Variants in WWOX observed in about 807,000 individuals in gnomAD.
WWOX encodes WW domain containing oxidoreductase, also known as WW domain-containing oxidoreductase.
WWOX carries 69 observed loss-of-function variants against 46.2 expected under a neutral mutation model. The observed-to-expected ratio is 1.49, with a 90% CI of 1.23 to 1.82. The LOEUF is 1.82. Ranked by LOEUF, WWOX falls within the 40% of genes most tolerant of loss-of-function variation. WWOX has a pLI of 0.00. For missense variants in WWOX, 919 were observed against 542.6 expected (o/e 1.69, Z -6.89); for synonymous variants, 359 against 202.6 (o/e 1.77, Z -6.56).
intron 8 of WWOX, among the ~76,000 whole-genome samples, chr16:78,709,789 T>G (rs2142319325): frequency 6.6e-6 from 1 of 151,136 alleles, no homozygotes; most frequent in South Asian, 2.1e-4. Context: ...AGTGCAGTGG[T>G]GTGATCTCAG....
At chr16:78,341,207 T>G (rs977103748) in intron 5 of WWOX, among the ~76,000 whole-genome samples, 1 of 111,738 alleles carries the variant, frequency 8.9e-6, no homozygotes, top group Admixed American at 8.7e-5. Flanking sequence ...TCATTTTGTT[T>G]CCCAGGCTGG....
chr16:78,550,904 G>C (rs2044157727), intron 8 of WWOX: 1 of 152,100 alleles, frequency 6.6e-6, no homozygotes, highest in African/African-American at 2.4e-5. Flanking sequence ...CTTATCACTT[G>C]GCTGGGGACT....
chr16:78,204,801 G>A (rs2036341362), intron 5 of WWOX, among the ~76,000 whole-genome samples: 2 of 152,188 alleles, frequency 1.3e-5, no homozygotes, highest in Non-Finnish European at 2.9e-5. Context: ...GCCTCATATT[G>A]CATAGCAAGT....
At chr16:78,353,251 A>T (rs2081218942) in intron 5 of WWOX, among the ~76,000 whole-genome samples, 1 of 152,256 alleles carries the variant, frequency 6.6e-6, no homozygotes, top group South Asian at 2.1e-4. Flanking sequence ...CGTGTATAAT[A>T]CCTCAAGAGA....
At chr16:78,800,367 G>A (rs183241037) in intron 8 of WWOX, among the ~76,000 whole-genome samples, 2 of 151,992 alleles carry the variant, frequency 1.3e-5, no homozygotes, top group African/African-American at 2.4e-5. Context: ...TTAAAATTCC[G>A]CTTGGAATAG....
chr16:78,881,347 T>A (rs1034397989), intron 8 of WWOX, among the ~76,000 whole-genome samples: 2 of 152,278 alleles, frequency 1.3e-5, no homozygotes, highest in Admixed American at 6.5e-5. Flanking sequence ...CCAGGCAAAA[T>A]CTGAAAAATG....
chr16:78,542,982 C>T (rs1002594010), intron 8 of WWOX, among the ~76,000 whole-genome samples: 6 of 152,146 alleles, frequency 3.9e-5, no homozygotes, highest in African/African-American at 1.4e-4. Context: ...AACAATTTTT[C>T]CTTTCATGGT....
At chr16:78,132,883 C>G (rs1439295456) in intron 4 of WWOX, among the ~76,000 whole-genome samples, 6 of 152,114 alleles carry the variant, frequency 3.9e-5, no homozygotes, top group Admixed American at 3.9e-4. Flanking sequence ...ATTCCATTTC[C>G]CAGCTTCTCA....
intron 8 of WWOX, among the ~76,000 whole-genome samples, chr16:78,930,796 C>A (rs1486818654): frequency 6.6e-6 from 1 of 152,106 alleles, no homozygotes; most frequent in Non-Finnish European, 1.5e-5. Context: ...TTCCATCACA[C>A]ATATTTGCTG....
In WWOX at chr16:78,871,150, A is replaced by C. The variant is rs540499291; in HGVS notation, c.1057-340458A>C. On this transcript the variant is annotated intron_variant, in intron 8 of 8. Coordinates refer to ENST00000566780, the MANE Select transcript of WWOX (RefSeq NM_016373.4). ...AATGGCATTCTACATTGAATATAGT[A>C]ATTCCCAACTTTCGTGAAGGTTGTT... 1.9e-4 allele frequency among the ~76,000 whole-genome samples: 29 copies of C among 151,972 alleles called. 1 individual carries two copies. Among genetic ancestry groups the C allele is most frequent in the Admixed American group, 1.9e-3 (29 of 15,276 alleles).
At chr16:78,299,076 G>A (rs952096151) in intron 5 of WWOX, among the ~76,000 whole-genome samples, 1 of 152,134 alleles carries the variant, frequency 6.6e-6, no homozygotes, top group Non-Finnish European at 1.5e-5. Flanking sequence ...AATATTCTGA[G>A]GCTAGGTTAA....
intron 5 of WWOX, among the ~76,000 whole-genome samples, chr16:78,382,324 G>A (rs944805169): frequency 9.2e-5 from 14 of 152,208 alleles, no homozygotes; most frequent in East Asian, 7.7e-4. Context: ...GAGATGCCAC[G>A]TGTAACTCAC....
At chr16:78,471,195 A>G (rs1294532689) in intron 8 of WWOX, among the ~76,000 whole-genome samples, 1 of 152,198 alleles carries the variant, frequency 6.6e-6, no homozygotes, top group African/African-American at 2.4e-5. Context: ...GTTGGCAACT[A>G]CAAGACAATC....
chr16:78,109,601 A>G (rs910841079), intron 2 of WWOX, among the ~76,000 whole-genome samples, 177 bp from the exon 3 acceptor site: 1 of 145,740 alleles, frequency 6.9e-6, no homozygotes, highest in African/African-American at 2.5e-5. Context: ...GGGTGGGATC[A>G]GGGGCCTTCT....
At chr16:78,709,897 A>C (rs188388988) in intron 8 of WWOX, among the ~76,000 whole-genome samples, 12 of 151,888 alleles carry the variant, frequency 7.9e-5, no homozygotes, top group Admixed American at 2.6e-4. Context: ...CGCCCAGCTA[A>C]TTTTTGTATT....
chr16:79,047,943 C>A (rs114069698), intron 8 of WWOX, among the ~76,000 whole-genome samples: 9 of 152,188 alleles, frequency 5.9e-5, no homozygotes, highest in South Asian at 2.1e-4. Context: ...AGCACAAAAT[C>A]TCCTGTCTGC....
intron 6 of WWOX, among the ~76,000 whole-genome samples, chr16:78,422,682 T>TATATATATATATATATATATATATAC (rs2082963498): frequency 1.3e-5 from 1 of 74,442 alleles, no homozygotes. Flanking sequence ...TATATATATA[T>TATATATATATATATATATATATATAC]ATACACACAC....
At chr16:78,413,424 C>T (rs191556634) in intron 6 of WWOX, among the ~76,000 whole-genome samples, 10 of 152,170 alleles carry the variant, frequency 6.6e-5, no homozygotes, top group East Asian at 5.8e-4. Flanking sequence ...TTGGCATAGG[C>T]GGTAGAGTTA....
At chr16:79,183,766 A>T (rs1004951467) in intron 8 of WWOX, among the ~76,000 whole-genome samples, 1 of 152,198 alleles carries the variant, frequency 6.6e-6, no homozygotes, top group Non-Finnish European at 1.5e-5. Flanking sequence ...GAGGCACAAA[A>T]AGTTAAATCA....
Sources: gnomAD v4.1 joint callset for allele counts (sites outside exome capture counted in the v4.1 genomes callset) on GRCh38, gnomAD v4.1.1 for gene constraint, MANE v1.5 for transcripts, NCBI Gene and HGNC (gene_info 2026-07-23, HGNC 2026-07-21) for gene names.